Variants in MCM9 observed in about 807,000 individuals in gnomAD.
The protein encoded by MCM9 is minichromosome maintenance 9 homologous recombination repair factor, also known as DNA helicase MCM9.
MCM9 carries 55 observed loss-of-function variants against 72.8 expected under a neutral mutation model. The ratio of observed to expected loss-of-function variants is 0.76; its 90% CI spans 0.61 to 0.95. MCM9 has a LOEUF of 0.95. Ranked by LOEUF, MCM9 falls within the 40% of genes least tolerant of loss-of-function variation. The probability of loss-of-function intolerance (pLI) is 0.00; values close to 1 mark genes in which losing one functional copy is unlikely to be tolerated. For synonymous variants in MCM9, 480 were observed against 503.4 expected (o/e 0.95, Z 0.62); for missense variants, 1,279 against 1,377.0 (o/e 0.93, Z 1.13).
At chr6:118,915,872 G>A (rs752250305) in intron 6 of MCM9, among the ~76,000 whole-genome samples, 3 of 152,090 alleles carry the variant, frequency 2.0e-5, no homozygotes, top group Non-Finnish European at 4.4e-5. Flanking sequence ...TGCAACAGTA[G>A]CCTAATTAAA....
intron 9 of MCM9, among the ~76,000 whole-genome samples, chr6:118,840,848 C>T (rs928220343): frequency 7.3e-5 from 11 of 151,266 alleles, no homozygotes; most frequent in Non-Finnish European, 1.3e-4. Context: ...AGCAAACCTC[C>T]CATCTCAGCC....
intron 13 of MCM9, among the ~76,000 whole-genome samples, chr6:118,823,995 C>A (rs1275293327): frequency 7.1e-6 from 1 of 141,326 alleles, no homozygotes; most frequent in African/African-American, 2.6e-5. Flanking sequence ...GGGTTACATT[C>A]ATTCACAGTA....
At chr6:118,870,854 G>C (rs1236644719) in intron 8 of MCM9, among the ~76,000 whole-genome samples, 2 of 151,920 alleles carry the variant, frequency 1.3e-5, no homozygotes, top group East Asian at 3.8e-4. Context: ...TGACCACCTA[G>C]AAGAATTAGG....
intron 13 of MCM9, among the ~76,000 whole-genome samples, chr6:118,818,850 TG>T (rs1264671066): frequency 2.0e-5 from 3 of 152,186 alleles, no homozygotes; most frequent in Admixed American, 6.5e-5. Context: ...TCACATCCCA[TG>T]TAAGTTGTAT....
At chr6:118,896,041 G>GTT (rs200142006) in intron 8 of MCM9, among the ~76,000 whole-genome samples, 48 of 138,558 alleles carry the variant, frequency 3.5e-4, no homozygotes, top group East Asian at 1.5e-3. Context: ...ATGTGCCCCC[G>GTT]TTTTTTTTTT....
At chr6:118,933,964 CA>C (rs58109173) in intron 1 of MCM9, among the ~76,000 whole-genome samples, 7,119 of 100,400 alleles carry the variant, frequency 0.071, 496 homozygotes, top group African/African-American at 0.2. Flanking sequence ...GGACTTTGCC[CA>C]AAAAAAAAAA....
At position 118,828,081 on chromosome 6, in the gene MCM9, G is replaced by T. The variant is rs1774286820; in HGVS notation, c.1578C>A (p.Thr526=). 7 of 1,550,452 alleles carry T rather than the reference G, an allele frequency of 4.5e-6. No individual in the cohort carries two copies. The highest frequency in any genetic ancestry group is 6.1e-6 in the Non-Finnish European group (7 of 1,147,004). ...GCAGATTCCTTATGAGGCAGAAATAGGTTTTCATCTTTTCCATGCTCCAGA... is the reference window on the plus strand; with the variant it reads ...GCAGATTCCTTATGAGGCAGAAATATGTTTTCATCTTTTCCATGCTCCAGA... The part of the protein sequence containing the change: ...EKLWSMEKMK[T]YFCLIRNLQP... The change falls in exon 11 of 14, where the codon ACC becomes ACA. Residue 526 remains threonine (T), a synonymous_variant. Coordinates refer to ENST00000619706, the MANE Select transcript of MCM9 (RefSeq NM_017696.3).
chr6:118,881,423 AGTTT>A (rs1327575643), intron 8 of MCM9, among the ~76,000 whole-genome samples: 2 of 152,102 alleles, frequency 1.3e-5, no homozygotes, highest in East Asian at 3.9e-4. Flanking sequence ...GTTGACTTGT[AGTTT>A]GTTTGTATCC....
chr6:118,872,061 T>C (rs1777633107), intron 8 of MCM9, among the ~76,000 whole-genome samples: 1 of 152,008 alleles, frequency 6.6e-6, no homozygotes, highest in African/African-American at 2.4e-5. Flanking sequence ...CTCAAGCCTG[T>C]AATCCCAGCA....
chr6:118,916,168 CAT>C (rs1780928387), intron 6 of MCM9, among the ~76,000 whole-genome samples: 1 of 149,382 alleles, frequency 6.7e-6, no homozygotes, highest in Non-Finnish European at 1.5e-5. Context: ...GCCTGGGAAA[CAT>C]AGCATAGTGA....
intron 8 of MCM9, among the ~76,000 whole-genome samples, chr6:118,894,785 G>C (rs971710335): frequency 6.6e-6 from 1 of 152,216 alleles, no homozygotes; most frequent in Non-Finnish European, 1.5e-5. Context: ...AGCTTTGTCT[G>C]CGGGCGGGCA....
At chr6:118,843,641 C>CATAT (rs763509537) in intron 9 of MCM9, among the ~76,000 whole-genome samples, 1 of 66,274 alleles carries the variant, frequency 1.5e-5, no homozygotes, top group African/African-American at 7.9e-5. Flanking sequence ...CAAAACAAAA[C>CATAT]ATATATATAT....
At chr6:118,921,769 A>G (rs1583674937) in intron 5 of MCM9, 2 of 372,676 alleles carry the variant, frequency 5.4e-6, no homozygotes, top group East Asian at 9.4e-5. Context: ...AAGTGACCTT[A>G]GACAAGTCAG....
chr6:118,898,468 A>G (rs1008958741), intron 8 of MCM9, among the ~76,000 whole-genome samples: 2 of 146,148 alleles, frequency 1.4e-5, no homozygotes, highest in Non-Finnish European at 3.0e-5. Flanking sequence ...TCCATTGCCC[A>G]GGCTGGAGTG....
intron 8 of MCM9, among the ~76,000 whole-genome samples, chr6:118,863,363 T>C (rs537493570): frequency 6.6e-6 from 1 of 152,258 alleles, no homozygotes; most frequent in East Asian, 1.9e-4. Context: ...GGGCAACCAC[T>C]TTAAAAAAAG....
chr6:118,820,185 G>C (rs1181759871), intron 13 of MCM9, among the ~76,000 whole-genome samples: 1 of 151,884 alleles, frequency 6.6e-6, no homozygotes, highest in Non-Finnish European at 1.5e-5. Context: ...GTTTGTTCTT[G>C]CTTCTCTAGT....
intron 8 of MCM9, among the ~76,000 whole-genome samples, chr6:118,861,620 G>C (rs990578555): frequency 7.9e-5 from 12 of 152,232 alleles, no homozygotes; most frequent in African/African-American, 2.9e-4. Flanking sequence ...GCAGAGAGGA[G>C]ACCTATAGTG....
At position 118,848,011 on chromosome 6, in the gene MCM9, TC is replaced by T. The variant is rs940448681; in HGVS notation, c.1325+8359del. 2.6e-5 allele frequency among the ~76,000 whole-genome samples: 4 copies of T among 151,762 alleles called. 1 individual carries two copies. The highest frequency in any genetic ancestry group is 9.7e-5 in the African/African-American group (4 of 41,086). On this transcript the variant is annotated intron_variant, in intron 9 of 13. Transcript: ENST00000619706. ...AAAATGATTTGAAACATGGAAAAAT[TC>T]AAGACAATAATCAGGAGCCCCTCCT...
chr6:118,893,935 A>ACGCCTCCCCGCCGCAGCCT, intron 8 of MCM9: 1 of 846,542 alleles, frequency 1.2e-6, no homozygotes, highest in Non-Finnish European at 1.4e-6. Flanking sequence ...CGCCGCAGCC[A>ACGCCTCCCCGCCGCAGCCT]CGCCTCCCCG....
Sources: gnomAD v4.1 joint callset for allele counts (sites outside exome capture counted in the v4.1 genomes callset) on GRCh38, gnomAD v4.1.1 for gene constraint, MANE v1.5 for transcripts, NCBI Gene and HGNC (gene_info 2026-07-23, HGNC 2026-07-21) for gene names.